Variants in MAN2B1 observed in about 807,000 individuals in gnomAD.
MAN2B1 encodes lysosomal alpha-mannosidase.
In MAN2B1, 99 loss-of-function variants were observed where a neutral mutation model predicts 127.5. The ratio of observed to expected loss-of-function variants is 0.78; its 90% CI spans 0.66 to 0.92. MAN2B1 has a LOEUF of 0.92. Ranked by LOEUF, MAN2B1 falls within the 40% of genes least tolerant of loss-of-function variation. The probability of loss-of-function intolerance (pLI) is 0.00; values close to 1 mark genes in which losing one functional copy is unlikely to be tolerated. For missense variants in MAN2B1, 1,304 were observed against 1,384.8 expected (o/e 0.94, Z 0.93); for synonymous variants, 573 against 568.8 (o/e 1.01, Z -0.11).
At position 12,663,704 on chromosome 19, in the gene MAN2B1, A is replaced by G. The variant is rs2024162767; in HGVS notation, c.762T>C (p.Thr254=). ...SLKPPTADLF[T]GVLPNGYNPP... ...CCCTGCCCTCACCAAGCCCCCTACC[A>G]GTGAAGAGGTCCGCGGTCGGGGGCT... Residue 254 remains threonine, a splice_region_variant and synonymous_variant, in exon 5 of 24, where the codon ACT becomes ACC. Coordinates refer to ENST00000456935, the MANE Select transcript of MAN2B1 (RefSeq NM_000528.4). 6 of 1,609,452 alleles carry G rather than the reference A, an allele frequency of 3.7e-6. No individual in the cohort carries two copies. Among genetic ancestry groups the G allele is most frequent in the Non-Finnish European group, 5.1e-6 (6 of 1,178,192 alleles).
In MAN2B1 at chr19:12,661,391, G is replaced by T. The variant is rs2024102639; in HGVS notation, c.910-15C>A. 6.4e-7 allele frequency: 1 copy of T among 1,557,128 alleles called. No individual in the cohort carries two copies. The highest frequency in any genetic ancestry group is 8.9e-7 in the Non-Finnish European group (1 of 1,128,066). ...TAATACCGGCCCTGCAGGCAAGAGG[G>T]GAGTCCTGAAGCCAGAGGATCCTGG... On this transcript the variant is annotated splice_polypyrimidine_tract_variant and intron_variant, in intron 6 of 23. Coordinates refer to ENST00000456935, the MANE Select transcript of MAN2B1 (RefSeq NM_000528.4).
At chr19:12,648,098 T>C (rs1396729629) in intron 21 of MAN2B1, 77 bp downstream of exon 21, 3 of 1,389,866 alleles carry the variant, frequency 2.2e-6, no homozygotes, top group Non-Finnish European at 3.0e-6. Flanking sequence ...CCGCTGAGCC[T>C]AGGAAACTCC....
Position 12,666,697 on chromosome 19 carries a change from C to A in MAN2B1, c.5G>T (p.Gly2Val). M[G>V]AYARASGVCA... ...GACCCCCGAAGCCCGCGCGTAGGCG[C>A]CCATGGCTCAGCAGCTTCCTCCTGG... Residue 2 changes from glycine to valine, a missense_variant, in exon 1 of 24, where the codon GGC becomes GTC. Coordinates refer to ENST00000456935, the MANE Select transcript of MAN2B1 (RefSeq NM_000528.4). 6.5e-7 allele frequency: 1 copy of A among 1,549,366 alleles called. No individual in the cohort carries two copies. Among genetic ancestry groups the A allele is most frequent in the Non-Finnish European group, 8.7e-7 (1 of 1,146,840 alleles).
rs2023759113 is a variant in MAN2B1, at chr19:12,648,535, A to T, written c.2437-133T>A. On this transcript the variant is annotated intron_variant, in intron 20 of 23. Transcript: ENST00000456935. ...GGAGGAACGGATGAGGATGAAGGTG[A>T]GGGTCTGGTAGGGCAACCCCAGCAG... 7.3e-6 allele frequency: 5 copies of T among 685,124 alleles called. No homozygotes were observed. The Admixed American group carries it at 1.2e-4, about 17-fold the overall frequency. 42.4% of individuals were successfully genotyped at this position (685,124 alleles called of 1,614,324 possible). A position where few individuals can be genotyped will look rare whatever the true frequency, so the allele number is the denominator to read the frequency against.
intron 14 of MAN2B1, 107 bp downstream of exon 14, chr19:12,655,587 C>A (rs1435664565): frequency 4.4e-6 from 5 of 1,132,630 alleles, no homozygotes; most frequent in Non-Finnish European, 5.1e-6. Flanking sequence ...GGAGTTGTGA[C>A]AGGAGGTCAT....
Position 12,658,483 on chromosome 19 carries a change from G to C in MAN2B1, c.1054C>G (p.Leu352Val). Reference sequence around the variant, plus strand: ...AGGTAACAAGCGGGGGTGGAGTAGAGAACATGGACACTGCTTCCTTTTGCC... The same window carrying C: ...AGGTAACAAGCGGGGGTGGAGTAGACAACATGGACACTGCTTCCTTTTGCC... ...QQAKGSSVHV[L>V]YSTPACYLWE... is the part of the protein sequence containing the mutation. Residue 352 changes from leucine (L) to valine (V), a missense_variant, in exon 8 of 24, where the codon CTC (leucine) becomes GTC (valine). Leu to Val is a conservative substitution (Grantham distance 32). Coordinates refer to ENST00000456935, the MANE Select transcript of MAN2B1 (RefSeq NM_000528.4). The C allele has an allele frequency of 6.2e-7, 1 of 1,614,206 alleles. No individual in the cohort carries two copies. Among genetic ancestry groups the C allele is most frequent in the Non-Finnish European group, 8.5e-7 (1 of 1,180,040 alleles).
chr19:12,653,030 C>G lies in MAN2B1; in HGVS notation c.1831-570G>C, dbSNP rs977827459. ...TGTATTTTTAGTAGAGACGGGGTTT[C>G]GCCATGTTGGTCAGGCTGGTCTCCA... On this transcript the variant is annotated intron_variant, in intron 14 of 23. Transcript: ENST00000456935. Among the ~76,000 whole-genome samples, 12 of 150,930 alleles carry G rather than the reference C, an allele frequency of 8.0e-5. 1 individual carries two copies. Among genetic ancestry groups the G allele is most frequent in the African/African-American group, 2.9e-4 (12 of 41,086 alleles).
At chr19:12,664,235 A>C (rs2024174676) in intron 4 of MAN2B1, among the ~76,000 whole-genome samples, 1 of 152,144 alleles carries the variant, frequency 6.6e-6, no homozygotes, top group Non-Finnish European at 1.5e-5. Flanking sequence ...AAAAACAAAA[A>C]CAAAAACACG....
chr19:12,648,187 A>G lies in MAN2B1; in HGVS notation c.2652T>C (p.Pro884=). 6.5e-7 allele frequency: 1 copy of G among 1,540,386 alleles called. No individual in the cohort carries two copies. Among genetic ancestry groups the G allele is most frequent in the African/African-American group, 1.4e-5 (1 of 73,130 alleles). The change falls in exon 21 of 24, where the codon CCT becomes CCC. Residue 884 remains proline, a synonymous_variant. Transcript: ENST00000456935. The part of the protein sequence containing the change: ...GGGAAYNLGA[P]PRTQFSGLRR... ...CGCTGCCCCTCACCTGCGTGCGCGG[A>G]GGAGCCCCGAGATTGTAGGCGGCGC...
Position 12,656,636 on chromosome 19 carries a change from G to A in MAN2B1, c.1579C>T (p.Arg527Trp), listed in dbSNP as rs1396515381. 1 of 1,613,968 alleles carries A rather than the reference G, an allele frequency of 6.2e-7. No homozygotes were observed. Among genetic ancestry groups the A allele is most frequent in the Non-Finnish European group, 8.5e-7 (1 of 1,179,940 alleles). Residue 527 changes from arginine to tryptophan, a missense_variant, in exon 13 of 24, where the codon CGG (arginine) becomes TGG (tryptophan). Physicochemically the swap from Arg to Trp is moderately radical, Grantham distance 101. Coordinates refer to ENST00000456935, the MANE Select transcript of MAN2B1 (RefSeq NM_000528.4). The stretch of plus-strand genomic sequence containing the variant: ...AAAACGCCTTCGCTGACCGGCAGCC[G>A]TACCATCCAATTCACCTTCCGCCCC... ...PLGRKVNWMVRLPVSEGVFVV... is the reference protein window; with the variant it reads ...PLGRKVNWMVWLPVSEGVFVV...
At chr19:12,662,302 C>T (rs1165603011) in intron 6 of MAN2B1, among the ~76,000 whole-genome samples, 3 of 152,040 alleles carry the variant, frequency 2.0e-5, no homozygotes, top group East Asian at 1.9e-4. Flanking sequence ...ATGGTGAGAC[C>T]TTATCTCTGT....
chr19:12,647,188 C>T lies in MAN2B1; in HGVS notation c.2923+45G>A. On this transcript the variant is annotated intron_variant, in intron 23 of 23. Transcript: ENST00000456935. This position sits in a 1 kb window ranked among gnomAD's most constrained non-coding sequence, Gnocchi z 4.9. ...CACACATTGCCCCCACCTGCCGGCC[C>T]CAGGTAAGACTCCACCCCTTCCCTA... The T allele has an allele frequency of 6.5e-7, 1 of 1,532,460 alleles. No individual in the cohort carries two copies. Among genetic ancestry groups the T allele is most frequent in the Non-Finnish European group, 9.0e-7 (1 of 1,105,864 alleles). The allele number at this position is 1,532,460 out of a possible 1,614,324, so 94.9% of individuals were successfully genotyped here.
At chr19:12,662,504 C>G (rs1001045445) in intron 6 of MAN2B1, among the ~76,000 whole-genome samples, 4 of 152,004 alleles carry the variant, frequency 2.6e-5, no homozygotes, top group African/African-American at 9.7e-5. Context: ...GTGGTGGGCA[C>G]CTGTAATCCC....
chr19:12,662,353 G>C (rs2024127272), intron 6 of MAN2B1, among the ~76,000 whole-genome samples: 1 of 151,996 alleles, frequency 6.6e-6, no homozygotes, highest in Admixed American at 6.6e-5. Context: ...GTTAAAGGCT[G>C]GACGCGGTGG....
Position 12,648,361 on chromosome 19 carries a change from C to G in MAN2B1, c.2478G>C (p.Ser826=). Residue 826 remains serine, a synonymous_variant, in exon 21 of 24, where the codon TCG becomes TCC. Transcript: ENST00000456935. ...RLLKDDGRGV[S]EPLMENGSGA... is the part of the protein sequence containing the mutation. ...CCGACCCGTTCTCCATTAGTGGCTCCGATACTCCGCGTCCATCGTCCTTCA... is the reference window on the plus strand; with the variant it reads ...CCGACCCGTTCTCCATTAGTGGCTCGGATACTCCGCGTCCATCGTCCTTCA... 6.2e-7 allele frequency: 1 copy of G among 1,613,510 alleles called. No homozygotes were observed.
rs935552891 is a variant in MAN2B1, at chr19:12,647,914, G to A, written c.2664+261C>T. Among the ~76,000 whole-genome samples the A allele has an allele frequency of 6.6e-6, 1 of 152,060 alleles. No individual in the cohort carries two copies. The highest frequency in any genetic ancestry group is 6.6e-5 in the Admixed American group (1 of 15,264). ...CAGAGCCTGGGGGCGGTGAGAGGGC[G>A]GGGCTAAAGTGAAATGGGCGGGGCC... On this transcript the variant is annotated intron_variant, in intron 21 of 23. Transcript: ENST00000456935. This position sits in a 1 kb window ranked among gnomAD's most constrained non-coding sequence, Gnocchi z 4.9.
chr19:12,646,770 C>A (rs1488253439), intron 23 of MAN2B1, 38 bp from the exon 24 acceptor site: 2 of 1,408,938 alleles, frequency 1.4e-6, no homozygotes, highest in Non-Finnish European at 2.0e-6. Flanking sequence ...TGAGGAGGTG[C>A]AGACTTCCTC....
rs559333683 is a variant in MAN2B1 at position 12,666,177 on chromosome 19, C to T, written c.159+366G>A. 8.1e-4 allele frequency among the ~76,000 whole-genome samples: 124 copies of T among 152,198 alleles called. 1 individual carries two copies. The highest frequency in any genetic ancestry group is 2.9e-3 in the African/African-American group (122 of 41,522). On this transcript the variant is annotated intron_variant, in intron 1 of 23. Transcript: ENST00000456935. ...GGTGACTTGCCCAACGTCACACACT[C>T]AGGAAGTGTAAGAGCTAGGCTGGAA...
At chr19:12,662,197 C>T (rs1256029063) in intron 6 of MAN2B1, among the ~76,000 whole-genome samples, 1 of 152,042 alleles carries the variant, frequency 6.6e-6, no homozygotes, top group Non-Finnish European at 1.5e-5. Flanking sequence ...ACGTGTTATG[C>T]CAGGCATGGT....
Sources: gnomAD v4.1 joint callset for allele counts (sites outside exome capture counted in the v4.1 genomes callset) on GRCh38, gnomAD v4.1.1 for gene constraint, Gnocchi (gnomAD v3.1) non-coding constraint, MANE v1.5 for transcripts, NCBI Gene and HGNC (gene_info 2026-07-23, HGNC 2026-07-21) for gene names.